TEX9: variants seen among roughly 807,000 people sequenced by gnomAD.
TEX9 encodes the protein testis expressed 9, also known as testis-expressed protein 9.
In TEX9, 74 loss-of-function variants were observed where a neutral mutation model predicts 59.6. The observed-to-expected ratio is 1.24, with a 90% CI of 1.03 to 1.51. TEX9 has a LOEUF of 1.51. Ranked by LOEUF, TEX9 falls within the 40% of genes most tolerant of loss-of-function variation. The pLI is 0.00. For missense variants in TEX9, 522 were observed against 447.8 expected, an observed-to-expected ratio of 1.17 and a Z score of -1.49; for synonymous variants, 186 against 152.2, an observed-to-expected ratio of 1.22 and a Z score of -1.64.
rs1413504968 is a variant in TEX9, at chr15:56,331,774, A to G, written c.-106-41667A>G. On this transcript the variant is annotated intron_variant, in intron 1 of 5. Transcript: ENST00000560827. ...CAATGAACTCAAACAAATTTACAAG[A>G]AAAAAACAAACAACCCCATCAAAAA... 2.0e-5 allele frequency among the ~76,000 whole-genome samples: 3 copies of G among 151,922 alleles called. No individual in the cohort carries two copies. In the East Asian group the frequency reaches 5.8e-4, roughly 29 times the overall value.
chr15:56,395,597 A>G (rs1402691528), intron 9 of TEX9: 1 of 152,166 alleles, frequency 6.6e-6, no homozygotes, highest in African/African-American at 2.4e-5. Context: ...CCAGTAGTGC[A>G]TGAAGCTCCT....
chr15:56,365,305 A>G (rs2141941835), upstream of TEX9: 2 of 1,115,892 alleles, frequency 1.8e-6, no homozygotes, highest in Non-Finnish European at 1.2e-6. Flanking sequence ...GCAAAGGCCG[A>G]GCCCGCTGCC....
Position 56,434,166 on chromosome 15 carries a change from T to C in TEX9, c.*29+5693T>C, listed in dbSNP as rs2050674893. The C allele has an allele frequency of 1.9e-6, 3 of 1,613,282 alleles. No individual in the cohort carries two copies. The African/African-American group carries it at 4.0e-5, about 22-fold the overall frequency. On this transcript the variant is annotated intron_variant, in intron 12 of 12. Transcript: ENST00000352903. ...GTCTGCAAGGAATTGTTGGCGACGC[T>C]CTTCAATAAGTTTTTCCACAGCCCT...
exon 11 of TEX9, chr15:56,427,638 G>T (rs1404488711): frequency 1.7e-5 from 26 of 1,543,900 alleles, no homozygotes; most frequent in Non-Finnish European, 2.2e-5. Flanking sequence ...AAAAATTGAA[G>T]TGTTAAAATC....
intron 1 of TEX9, among the ~76,000 whole-genome samples, chr15:56,256,608 A>G (rs941898951): frequency 2.6e-5 from 4 of 151,778 alleles, no homozygotes; most frequent in African/African-American, 9.7e-5. Flanking sequence ...TGATTTTTTG[A>G]AAAGAACCAA....
At chr15:56,271,446 A>G (rs908710651) in intron 1 of TEX9, among the ~76,000 whole-genome samples, 7 of 152,066 alleles carry the variant, frequency 4.6e-5, no homozygotes, top group African/African-American at 1.4e-4. Flanking sequence ...AAGCTTGTGC[A>G]TGCGTCACGT....
intron 9 of TEX9, among the ~76,000 whole-genome samples, chr15:56,405,286 GA>G: frequency 6.8e-6 from 1 of 147,036 alleles, no homozygotes; most frequent in East Asian, 2.0e-4. Flanking sequence ...CAGCCTGGGT[GA>G]CAGAGCAAGA....
intron 1 of TEX9, among the ~76,000 whole-genome samples, chr15:56,262,718 A>G (rs1412342876): frequency 2.0e-5 from 3 of 152,204 alleles, no homozygotes; most frequent in African/African-American, 7.2e-5. Flanking sequence ...TATAACACTG[A>G]TTAAGATTTT....
chr15:56,274,336 T>A (rs1362230183), intron 1 of TEX9, among the ~76,000 whole-genome samples: 1 of 152,226 alleles, frequency 6.6e-6, no homozygotes, highest in African/African-American at 2.4e-5. Flanking sequence ...AATTTCCATT[T>A]CTCTGCTGAA....
intron 1 of TEX9, among the ~76,000 whole-genome samples, chr15:56,268,368 A>G (rs1376721615): frequency 2.6e-5 from 4 of 152,208 alleles, no homozygotes; most frequent in Non-Finnish European, 5.9e-5. Flanking sequence ...TATGTTGAGT[A>G]AGAGTGGTAA....
chr15:56,295,878 T>C (rs1297273835), intron 1 of TEX9, among the ~76,000 whole-genome samples: 2 of 152,186 alleles, frequency 1.3e-5, no homozygotes, highest in Non-Finnish European at 2.9e-5. Context: ...AACAGCCTGC[T>C]CTTGAGGGGC....
At chr15:56,420,816 T>A (rs554972256) in intron 10 of TEX9, among the ~76,000 whole-genome samples, 1 of 152,076 alleles carries the variant, frequency 6.6e-6, no homozygotes, top group African/African-American at 2.4e-5. Context: ...TGACAAACTT[T>A]ACGAGTTTGT....
intron 1 of TEX9, among the ~76,000 whole-genome samples, chr15:56,327,627 A>G (rs1220110934): frequency 6.6e-6 from 1 of 152,216 alleles, no homozygotes; most frequent in African/African-American, 2.4e-5. Flanking sequence ...TCGAACTGCC[A>G]ACACCACTCC....
At chr15:56,388,628 G>A in intron 5 of TEX9, 108 bp downstream of exon 5, 1 of 869,774 alleles carries the variant, frequency 1.1e-6, no homozygotes, top group Non-Finnish European at 1.9e-6. Flanking sequence ...AACAGAAATA[G>A]AATATGAACC....
chr15:56,442,615 A>G (rs1596261031), intron 12 of TEX9, among the ~76,000 whole-genome samples: 1 of 152,346 alleles, frequency 6.6e-6, no homozygotes, highest in South Asian at 2.1e-4. Flanking sequence ...GGAGGCCATT[A>G]GCCTATGCTA....
At chr15:56,420,597 C>T (rs2049934435) in intron 10 of TEX9, among the ~76,000 whole-genome samples, 1 of 150,998 alleles carries the variant, frequency 6.6e-6, no homozygotes, top group African/African-American at 2.5e-5. Context: ...TGTGAGCCAT[C>T]ACGCCTGGCC....
chr15:56,432,688 CT>C (rs2050628492), intron 12 of TEX9, among the ~76,000 whole-genome samples: 1 of 152,162 alleles, frequency 6.6e-6, no homozygotes. Context: ...AGTTAGTTGT[CT>C]TGCTAACTTT....
At chr15:56,303,421 G>A (rs8027752) in intron 1 of TEX9, among the ~76,000 whole-genome samples, 3,955 of 152,040 alleles carry the variant, frequency 0.026, 169 homozygotes, top group African/African-American at 0.091. Context: ...ACAGATACAC[G>A]GAAATTATAT....
chr15:56,428,288 C>T (rs2050417979), intron 11 of TEX9, 79 bp from the exon 12 acceptor site: 1 of 979,776 alleles, frequency 1.0e-6, no homozygotes, highest in Admixed American at 1.8e-5. Flanking sequence ...ATATTATCCA[C>T]ACATTTTTAC....
Sources: allele counts gnomAD v4.1 joint callset (sites outside exome capture counted in the v4.1 genomes callset), GRCh38; gene constraint gnomAD v4.1.1; transcripts MANE v1.5; gene names NCBI Gene and HGNC (gene_info 2026-07-23, HGNC 2026-07-21).